Variants in ANKRD17 observed in about 807,000 individuals in gnomAD.
ANKRD17 encodes ankyrin repeat domain-containing protein 17.
A neutral mutation model predicts 229.7 loss-of-function variants in ANKRD17; 19 were observed. The ratio of observed to expected loss-of-function variants is 0.08; its 90% CI spans 0.06 to 0.12. The LOEUF is 0.12. Ranked by LOEUF, ANKRD17 falls within the 10% of genes least tolerant of loss-of-function variation. ANKRD17 has a pLI of 1.00. For missense variants in ANKRD17, 2,176 were observed against 3,176.8 expected (o/e 0.68, Z 7.57); for synonymous variants, 1,112 against 1,146.1 (o/e 0.97, Z 0.60).
intron 24 of ANKRD17, among the ~76,000 whole-genome samples, chr4:73,109,692 G>A (rs962944897): frequency 1.3e-5 from 2 of 152,128 alleles, no homozygotes; most frequent in Non-Finnish European, 2.9e-5. Flanking sequence ...TAAAGCTACT[G>A]TCAGCATAAA....
At chr4:73,107,614 ATGAAGTTAAGTGAACACC>A in intron 24 of ANKRD17, among the ~76,000 whole-genome samples, 1 of 152,340 alleles carries the variant, frequency 6.6e-6, no homozygotes, top group Middle Eastern at 3.4e-3. Context: ...CCCTCATGAG[ATGAAGTTAAGTGAACACC>A]TGAAGGACAT....
chr4:73,258,543 G>A lies in ANKRD17; in HGVS notation c.126C>T (p.Ser42=). Residue 42 remains serine, a synonymous_variant, in exon 1 of 34, where the codon AGC becomes AGT. Coordinates refer to ENST00000358602, the MANE Select transcript of ANKRD17 (RefSeq NM_032217.5). ...AAEVGGGVGG[S]SRARSASSPR... The stretch of plus-strand genomic sequence containing the variant: ...GAGACGAGGCCGAGCGAGCTCTGCT[G>A]CTGCCGCCAACGCCGCCGCCGACCT... 2 of 1,495,346 alleles carry A rather than the reference G, an allele frequency of 1.3e-6. No homozygotes were observed. 92.6% of individuals were successfully genotyped at this position (1,495,346 alleles called of 1,614,324 possible).
intron 1 of ANKRD17, among the ~76,000 whole-genome samples, chr4:73,239,916 C>T (rs1349351487): frequency 6.6e-6 from 1 of 151,790 alleles, no homozygotes; most frequent in Non-Finnish European, 1.5e-5. Context: ...AGGATATTAC[C>T]CCCTCAATAG....
intron 5 of ANKRD17, among the ~76,000 whole-genome samples, chr4:73,154,522 T>C (rs1731389112): frequency 1.3e-5 from 2 of 152,196 alleles, no homozygotes; most frequent in Admixed American, 1.3e-4. Flanking sequence ...TTACTCATCA[T>C]ATACATACTT....
chr4:73,178,671 C>T (rs1341186614), intron 1 of ANKRD17, among the ~76,000 whole-genome samples: 2 of 151,948 alleles, frequency 1.3e-5, no homozygotes. Context: ...CTCATGGACA[C>T]CTTGAAATGG....
chr4:73,191,450 T>C (rs1737095393), intron 1 of ANKRD17, among the ~76,000 whole-genome samples: 1 of 141,312 alleles, frequency 7.1e-6, no homozygotes, highest in Non-Finnish European at 1.5e-5. Flanking sequence ...GAAGAAAATA[T>C]AAGAGATTAT....
intron 1 of ANKRD17, among the ~76,000 whole-genome samples, chr4:73,200,399 C>T (rs1738497458): frequency 6.6e-6 from 1 of 152,014 alleles, no homozygotes; most frequent in Non-Finnish European, 1.5e-5. Context: ...AAGTGTAAGA[C>T]GAGCCTGAGT....
chr4:73,255,541 A>G (rs1456490075), intron 1 of ANKRD17, among the ~76,000 whole-genome samples: 8 of 152,194 alleles, frequency 5.3e-5, no homozygotes, highest in Non-Finnish European at 8.8e-5. Flanking sequence ...CTAGCTCCAG[A>G]AAGTTAGGCT....
intron 16 of ANKRD17, among the ~76,000 whole-genome samples, chr4:73,127,190 G>A (rs1727584813): frequency 2.0e-5 from 3 of 152,046 alleles, no homozygotes; most frequent in Admixed American, 2.0e-4. Context: ...GGGTTTCTGG[G>A]ATGAGGGACT....
intron 20 of ANKRD17, 77 bp from the exon 21 acceptor site, chr4:73,120,414 G>A (rs1458113333): frequency 7.3e-7 from 1 of 1,363,506 alleles, no homozygotes; most frequent in East Asian, 2.4e-5. Context: ...ATAACAACTT[G>A]AAGAAGGAAT....
chr4:73,158,517 C>T (rs560082666), intron 3 of ANKRD17, among the ~76,000 whole-genome samples: 1 of 152,290 alleles, frequency 6.6e-6, no homozygotes, highest in East Asian at 1.9e-4. Context: ...CAGGTCTTTC[C>T]TAGAAAGCCA....
intron 1 of ANKRD17, among the ~76,000 whole-genome samples, chr4:73,185,442 CAAAT>C (rs1736163771): frequency 6.6e-6 from 1 of 151,808 alleles, no homozygotes; most frequent in African/African-American, 2.4e-5. Flanking sequence ...CATTTTAAAA[CAAAT>C]AATCCCCACA....
chr4:73,115,736 T>A, intron 23 of ANKRD17, 85 bp downstream of exon 23: 1 of 1,056,640 alleles, frequency 9.5e-7, no homozygotes, highest in East Asian at 2.4e-5. Flanking sequence ...CATATTACAC[T>A]TTACTACTCA....
chr4:73,245,086 G>A (rs961983004), intron 1 of ANKRD17, among the ~76,000 whole-genome samples: 2 of 152,100 alleles, frequency 1.3e-5, no homozygotes, highest in African/African-American at 2.4e-5. Context: ...CAGTAATTTG[G>A]GGCCTCCCAG....
At chr4:73,097,385 C>A (rs1441650529) in intron 26 of ANKRD17, 113 bp from the exon 27 acceptor site, 4 of 895,374 alleles carry the variant, frequency 4.5e-6, no homozygotes, top group Non-Finnish European at 6.4e-6. Flanking sequence ...TAACAAATGA[C>A]GACCTTATTT....
At chr4:73,094,257 GATT>G in intron 27 of ANKRD17, 29 bp from the exon 28 acceptor site, 1 of 1,576,836 alleles carries the variant, frequency 6.3e-7, no homozygotes, top group Non-Finnish European at 8.7e-7. Flanking sequence ...TATAAATTAA[GATT>G]AGTCATTAAC....
At chr4:73,145,206 A>C (rs2148834973) in intron 10 of ANKRD17, among the ~76,000 whole-genome samples, 1 of 152,260 alleles carries the variant, frequency 6.6e-6, no homozygotes, top group East Asian at 1.9e-4. Context: ...TTCTCCGAAC[A>C]ATCAATATAA....
In ANKRD17 at chr4:73,117,056, T is replaced by C. The variant is rs139286729; in HGVS notation, c.4189-1140A>G. On this transcript the variant is annotated intron_variant, in intron 22 of 33. Transcript: ENST00000358602. ...AAAATAACAACTCTAATAGTTAGAG[T>C]AATAACATATAAAAATATGTATTTC... Among the ~76,000 whole-genome samples, 114 of 151,910 alleles carry C rather than the reference T, an allele frequency of 7.5e-4. 1 individual carries two copies. In the East Asian group the frequency reaches 0.022, roughly 29 times the overall value.
chr4:73,086,527 A>C (rs1396767121), intron 29 of ANKRD17, among the ~76,000 whole-genome samples: 1 of 152,070 alleles, frequency 6.6e-6, no homozygotes, highest in Non-Finnish European at 1.5e-5. Flanking sequence ...CAAGTAACCT[A>C]TCTGATTTTA....
Sources: gnomAD v4.1 joint callset for allele counts (sites outside exome capture counted in the v4.1 genomes callset) on GRCh38, gnomAD v4.1.1 for gene constraint, MANE v1.5 for transcripts, NCBI Gene and HGNC (gene_info 2026-07-23, HGNC 2026-07-21) for gene names.